Variants in ME3 observed in about 807,000 individuals in gnomAD.
ME3 encodes malic enzyme 3, also known as NADP-dependent malic enzyme, mitochondrial.
Under a neutral mutation model 68.9 loss-of-function variants are expected in ME3, and 48 were observed. The ratio of observed to expected loss-of-function variants is 0.70; its 90% CI spans 0.55 to 0.89. The LOEUF (loss-of-function observed/expected upper bound fraction) is 0.89, where lower values mean the gene tolerates loss of function less well. ME3 is among the 40% of genes least tolerant of loss of function. The pLI is 0.00. For missense variants in ME3, 675 were observed against 797.4 expected (o/e 0.85, Z 1.85); for synonymous variants, 320 against 318.8 (o/e 1.00, Z -0.04).
At chr11:86,557,712 T>C (rs531115039) in intron 3 of ME3, among the ~76,000 whole-genome samples, 8 of 152,286 alleles carry the variant, frequency 5.3e-5, no homozygotes, top group Middle Eastern at 3.4e-3. Context: ...AGAGGACTGA[T>C]ACTCAGGAAG....
At chr11:86,507,753 T>A (rs912623424) in intron 5 of ME3, among the ~76,000 whole-genome samples, 1 of 152,112 alleles carries the variant, frequency 6.6e-6, no homozygotes, top group Non-Finnish European at 1.5e-5. Context: ...GAGGCGTCGA[T>A]GGACAGATCA....
At chr11:86,446,993 C>A in intron 12 of ME3, 72 bp downstream of exon 12, 1 of 1,537,580 alleles carries the variant, frequency 6.5e-7, no homozygotes, top group Admixed American at 2.0e-5. Flanking sequence ...GTATTTTTCA[C>A]CCTCATGAGG....
intron 2 of ME3, among the ~76,000 whole-genome samples, chr11:86,670,515 T>C (rs977575286): frequency 6.6e-6 from 1 of 152,226 alleles, no homozygotes; most frequent in Non-Finnish European, 1.5e-5. Flanking sequence ...TTCAAGGTGA[T>C]AACAAACACC....
chr11:86,475,896 G>GAGAGAGAGAGAGAGAA (rs1951054873), intron 7 of ME3, among the ~76,000 whole-genome samples: 2 of 148,682 alleles, frequency 1.3e-5, no homozygotes, highest in South Asian at 2.1e-4. Context: ...GAGAGAGAGA[G>GAGAGAGAGAGAGAGAA]AGAGAAAGAG....
intron 7 of ME3, among the ~76,000 whole-genome samples, chr11:86,482,715 T>C (rs1036683430): frequency 9.9e-5 from 15 of 151,852 alleles, no homozygotes; most frequent in Admixed American, 5.3e-4. Flanking sequence ...TAGACTATCA[T>C]GTAAAACGTT....
intron 2 of ME3, among the ~76,000 whole-genome samples, chr11:86,588,376 A>C (rs1958859456): frequency 6.6e-6 from 1 of 152,234 alleles, no homozygotes; most frequent in African/African-American, 2.4e-5. Flanking sequence ...ACACACATTA[A>C]TTACTTAACT....
At chr11:86,498,153 G>C in intron 5 of ME3, 29 bp from the exon 6 acceptor site, 1 of 1,590,926 alleles carries the variant, frequency 6.3e-7, no homozygotes, top group Non-Finnish European at 8.6e-7. Context: ...CCATCAATCA[G>C]GGACAGCACT....
chr11:86,519,152 G>A (rs1294030241), intron 4 of ME3, among the ~76,000 whole-genome samples: 1 of 152,168 alleles, frequency 6.6e-6, no homozygotes, highest in African/African-American at 2.4e-5. Context: ...TATGAGTAGT[G>A]GTGATATCAC....
At chr11:86,443,248 G>A (rs916734307) in intron 13 of ME3, among the ~76,000 whole-genome samples, 1 of 152,200 alleles carries the variant, frequency 6.6e-6, no homozygotes, top group African/African-American at 2.4e-5. Context: ...TGTTGCATAG[G>A]GATCCCTGGG....
At chr11:86,440,637 T>C (rs1948939211), downstream of ME3, among the ~76,000 whole-genome samples, 1 of 152,168 alleles carries the variant, frequency 6.6e-6, no homozygotes, top group Non-Finnish European at 1.5e-5. Flanking sequence ...GTGACCTGAA[T>C]AGTTAGCGAG....
chr11:86,656,344 C>G (rs926455338), intron 2 of ME3, among the ~76,000 whole-genome samples: 4 of 151,666 alleles, frequency 2.6e-5, no homozygotes, highest in African/African-American at 9.7e-5. Flanking sequence ...GACTTGGAAC[C>G]AACCCAAATG....
chr11:86,457,373 C>T (rs1007892671), intron 8 of ME3: 11 of 366,514 alleles, frequency 3.0e-5, no homozygotes, highest in African/African-American at 2.2e-4. Context: ...CACCTCTTGT[C>T]AGGGTCCCCA....
chr11:86,622,643 C>T (rs529197429), intron 2 of ME3: 2 of 151,998 alleles, frequency 1.3e-5, no homozygotes, highest in Non-Finnish European at 2.9e-5. Flanking sequence ...GTTCTTTGTA[C>T]CACCTCTTCT....
chr11:86,645,192 C>G (rs1017963184), intron 2 of ME3, among the ~76,000 whole-genome samples: 1 of 152,134 alleles, frequency 6.6e-6, no homozygotes, highest in African/African-American at 2.4e-5. Flanking sequence ...CTAGTGGCAG[C>G]TGGAACACCA....
At chr11:86,498,322 C>G (rs1952500667) in intron 5 of ME3, among the ~76,000 whole-genome samples, 198 bp from the exon 6 acceptor site, 1 of 152,116 alleles carries the variant, frequency 6.6e-6, no homozygotes, top group African/African-American at 2.4e-5. Context: ...GGTGACAAAC[C>G]CTACTGAGAA....
At chr11:86,637,967 T>TACACACATAC (rs1944445562) in intron 2 of ME3, among the ~76,000 whole-genome samples, 1 of 145,054 alleles carries the variant, frequency 6.9e-6, no homozygotes, top group Non-Finnish European at 1.5e-5. Flanking sequence ...TGCTCATGCA[T>TACACACATAC]ACACACACAC....
At chr11:86,540,070 A>C (rs576267646) in intron 4 of ME3, among the ~76,000 whole-genome samples, 1 of 152,318 alleles carries the variant, frequency 6.6e-6, no homozygotes, top group East Asian at 1.9e-4. Flanking sequence ...TTTCTGAGCT[A>C]GGGAATCTGG....
intron 2 of ME3, among the ~76,000 whole-genome samples, chr11:86,604,099 A>T (rs1488820501): frequency 7.0e-6 from 1 of 143,226 alleles, no homozygotes; most frequent in Non-Finnish European, 1.5e-5. Context: ...GTATAATAAT[A>T]AAAAAAAAAG....
intron 4 of ME3, among the ~76,000 whole-genome samples, chr11:86,545,048 C>T (rs909661116): frequency 2.6e-5 from 4 of 152,096 alleles, no homozygotes; most frequent in Admixed American, 6.5e-5. Flanking sequence ...TAATCCATCA[C>T]GTAAACAGAA....
Sources: allele counts gnomAD v4.1 joint callset (sites outside exome capture counted in the v4.1 genomes callset), GRCh38; gene constraint gnomAD v4.1.1; transcripts MANE v1.5; gene names NCBI Gene and HGNC (gene_info 2026-07-23, HGNC 2026-07-21).